NRG1: variants seen among roughly 807,000 people sequenced by gnomAD.
The protein encoded by NRG1 is pro-neuregulin-1, membrane-bound isoform.
A neutral mutation model predicts 63.8 loss-of-function variants in NRG1; 18 were observed. The observed-to-expected ratio is 0.28, with a 90% CI of 0.19 to 0.42. The LOEUF (loss-of-function observed/expected upper bound fraction) is 0.42. NRG1 is among the 10% of genes least tolerant of loss of function. The probability of loss-of-function intolerance (pLI) is 1.00; values close to 1 mark genes in which losing one functional copy is unlikely to be tolerated. For missense variants in NRG1, 762 were observed against 814.7 expected (o/e 0.94, Z 0.79); for synonymous variants, 302 against 301.3 (o/e 1.00, Z -0.02).
rs368939740 is a variant in NRG1 at position 31,704,811 on chromosome 8, G to A, written c.37+65380G>A. Among the ~76,000 whole-genome samples, 418 of 141,074 alleles carry A rather than the reference G, an allele frequency of 3.0e-3. 5 individuals are homozygous for A. The highest frequency in any genetic ancestry group is 9.4e-3 in the African/African-American group (355 of 37,838). The allele number at this position is 141,074 out of a possible 152,430, so 92.6% of individuals were successfully genotyped here. Reference sequence around the variant, plus strand: ...AGTGCCACTGCACTCCAGCCTGGGCGACAGAGTGAGACTCCGTCTAAAAAA... The same window carrying A: ...AGTGCCACTGCACTCCAGCCTGGGCAACAGAGTGAGACTCCGTCTAAAAAA... On this transcript the variant is annotated intron_variant, in intron 1 of 10. Coordinates refer to the NRG1 transcript ENST00000519301.
chr8:32,596,119 G>GA, intron 2 of NRG1, 114 bp downstream of exon 2: 1 of 820,206 alleles, frequency 1.2e-6, no homozygotes. Flanking sequence ...GATAATAAGT[G>GA]AAAAGCTGTT....
chr8:31,747,229 A>G (rs368294256), intron 1 of NRG1, among the ~76,000 whole-genome samples: 1 of 152,000 alleles, frequency 6.6e-6, no homozygotes, highest in East Asian at 1.9e-4. Flanking sequence ...CCCATTCTCC[A>G]TGATGTGATT....
intron 1 of NRG1, among the ~76,000 whole-genome samples, chr8:32,127,122 A>G (rs552572739): frequency 1.3e-5 from 2 of 151,972 alleles, no homozygotes; most frequent in Admixed American, 1.3e-4. Flanking sequence ...GGACAAGACC[A>G]TATAAGCTCT....
intron 1 of NRG1, among the ~76,000 whole-genome samples, chr8:32,565,003 G>A (rs1261101895): frequency 2.0e-5 from 3 of 152,140 alleles, no homozygotes; most frequent in African/African-American, 7.2e-5. Flanking sequence ...CCAGGAGTTT[G>A]AGGGTACAGT....
chr8:32,197,781 A>G (rs1341112261), intron 1 of NRG1, among the ~76,000 whole-genome samples: 11 of 152,158 alleles, frequency 7.2e-5, no homozygotes, highest in Admixed American at 7.2e-4. Context: ...GTTGTTATTT[A>G]TGCATCCCTC....
At chr8:32,356,165 A>G (rs1327975627) in intron 1 of NRG1, among the ~76,000 whole-genome samples, 1 of 152,198 alleles carries the variant, frequency 6.6e-6, no homozygotes, top group Admixed American at 6.5e-5. Flanking sequence ...TGCTTGATTA[A>G]TTGGTAAAAG....
intron 1 of NRG1, among the ~76,000 whole-genome samples, chr8:32,063,938 G>A (rs1279534581): frequency 6.6e-6 from 1 of 152,026 alleles, no homozygotes; most frequent in African/African-American, 2.4e-5. Context: ...GACACACAAG[G>A]AGATCAGGAA....
intron 1 of NRG1, among the ~76,000 whole-genome samples, chr8:32,081,476 G>A (rs1474601149): frequency 6.6e-6 from 1 of 152,148 alleles, no homozygotes; most frequent in African/African-American, 2.4e-5. Context: ...AACAAGGATT[G>A]AAGGGCAGCT....
intron 1 of NRG1, among the ~76,000 whole-genome samples, chr8:32,066,501 T>C (rs1292447291): frequency 6.6e-6 from 1 of 152,166 alleles, no homozygotes; most frequent in African/African-American, 2.4e-5. Flanking sequence ...TAGTTGTAGA[T>C]ATGCAGCATT....
intron 1 of NRG1, among the ~76,000 whole-genome samples, chr8:31,901,077 G>C (rs570734455): frequency 6.6e-6 from 1 of 152,090 alleles, no homozygotes; most frequent in South Asian, 2.1e-4. Context: ...TCAAAATTTA[G>C]ACACTAATGA....
chr8:32,609,125 C>T (rs1845852384), intron 3 of NRG1, among the ~76,000 whole-genome samples: 1 of 152,164 alleles, frequency 6.6e-6, no homozygotes, highest in Admixed American at 6.5e-5. Context: ...GGGCCTGTGG[C>T]TTGGCAGGCA....
At chr8:32,576,684 T>C (rs1033534216) in intron 1 of NRG1, among the ~76,000 whole-genome samples, 1 of 152,126 alleles carries the variant, frequency 6.6e-6, no homozygotes, top group African/African-American at 2.4e-5. Context: ...GTTGTGCCCA[T>C]ACTAACCACC....
At chr8:32,751,199 G>C (rs1828659099) in intron 7 of NRG1, 1 of 152,220 alleles carries the variant, frequency 6.6e-6, no homozygotes, top group African/African-American at 2.4e-5. Flanking sequence ...AGGCTTGCCG[G>C]TGTACTAAAC....
intron 1 of NRG1, among the ~76,000 whole-genome samples, chr8:32,337,683 G>C (rs1332049219): frequency 3.3e-5 from 1 of 30,092 alleles, no homozygotes; most frequent in Admixed American, 4.1e-4. Context: ...AAAAAAAAAA[G>C]CTGATGCAGT....
intron 1 of NRG1, among the ~76,000 whole-genome samples, chr8:31,732,414 C>T (rs1040082870): frequency 5.9e-5 from 9 of 152,124 alleles, no homozygotes; most frequent in Non-Finnish European, 1.3e-4. Context: ...GCCGCCCCCA[C>T]ACCCCACCAT....
chr8:31,753,968 G>C (rs1816724164), intron 1 of NRG1, among the ~76,000 whole-genome samples: 1 of 152,080 alleles, frequency 6.6e-6, no homozygotes, highest in Non-Finnish European at 1.5e-5. Flanking sequence ...CATCCTTCTA[G>C]GTACTTAGCT....
At chr8:31,889,481 T>C (rs73671966) in intron 1 of NRG1, among the ~76,000 whole-genome samples, 2,429 of 152,232 alleles carry the variant, frequency 0.016, 65 homozygotes, top group African/African-American at 0.054. Context: ...GAGGAACATA[T>C]ACTCCAGAGA....
chr8:32,203,153 G>A (rs911215939), intron 1 of NRG1, among the ~76,000 whole-genome samples: 3 of 140,384 alleles, frequency 2.1e-5, no homozygotes, highest in Non-Finnish European at 4.6e-5. Flanking sequence ...GATGTCAGAT[G>A]TGTTGGTAAT....
At chr8:32,102,881 G>GT (rs908031700) in intron 1 of NRG1, among the ~76,000 whole-genome samples, 54 of 151,634 alleles carry the variant, frequency 3.6e-4, no homozygotes, top group African/African-American at 1.1e-3. Context: ...GGCTTTCTAA[G>GT]TTTTTTTTTA....
Sources: gnomAD v4.1 joint callset for allele counts (sites outside exome capture counted in the v4.1 genomes callset) on GRCh38, gnomAD v4.1.1 for gene constraint, MANE v1.5 for transcripts, NCBI Gene and HGNC (gene_info 2026-07-23, HGNC 2026-07-21) for gene names.